The following P2RX1 variants were observed in gnomAD, a reference collection of about 807,000 sequenced individuals.
P2RX1 encodes the protein P2X purinoceptor 1.
Under a neutral mutation model 50.3 loss-of-function variants are expected in P2RX1, and 42 were observed. The ratio of observed to expected loss-of-function variants is 0.83; its 90% CI spans 0.65 to 1.08. The LOEUF (loss-of-function observed/expected upper bound fraction) is 1.08, where lower values mean the gene tolerates loss of function less well. Ranked by LOEUF, P2RX1 falls within the 50% of genes least tolerant of loss-of-function variation. The pLI is 0.00. For missense variants in P2RX1, 449 were observed against 529.0 expected, an observed-to-expected ratio of 0.85 and a Z score of 1.48; for synonymous variants, 199 against 202.6, an observed-to-expected ratio of 0.98 and a Z score of 0.15.
At position 3,897,882 on chromosome 17, in the gene P2RX1, G is replaced by A. The variant is rs1331675255; in HGVS notation, c.1135-3C>T. 4 of 1,613,986 alleles carry A rather than the reference G, an allele frequency of 2.5e-6. No individual in the cohort carries two copies. The East Asian group carries it at 8.9e-5, about 36-fold the overall frequency. ...GTAGCTGCGAGGTCACGCTCAGCCT[G>A]TGTACGTGGTGCAAGGGTTGGGGGA... is the stretch of plus-strand genomic sequence containing the variant. On this transcript the variant is annotated splice_polypyrimidine_tract_variant and splice_region_variant and intron_variant, in intron 11 of 11. Coordinates refer to ENST00000225538, the MANE Select transcript of P2RX1 (RefSeq NM_002558.4).
rs779313346 is a variant in P2RX1 at position 3,897,817 on chromosome 17, G to A, written c.1197C>T (p.Ser399=). The A allele has an allele frequency of 2.5e-6, 4 of 1,612,896 alleles. No homozygotes were observed. Among genetic ancestry groups the A allele is most frequent in the Non-Finnish European group, 3.4e-6 (4 of 1,179,948 alleles). ...TLGLQENMRT[S] ...GTCAGGAGTTGGGGCCCGAGCATCA[G>A]GATGTCCTCATGTTCTCCTGCAGGC... The change falls in exon 12 of 12, where the codon TCC becomes TCT. Residue 399 remains serine (S), a synonymous_variant. Transcript: ENST00000225538.
Position 3,897,389 on chromosome 17 carries a change from A to C in P2RX1, c.*425T>G. 7.4e-6 allele frequency: 2 copies of C among 271,990 alleles called. No homozygotes were observed. Among genetic ancestry groups the C allele is most frequent in the Non-Finnish European group, 7.4e-6 (1 of 135,546 alleles). The allele number at this position is 271,990 out of a possible 1,614,324, so 16.8% of individuals were successfully genotyped here. A position where few individuals can be genotyped will look rare whatever the true frequency, so the allele number is the denominator to read the frequency against. Reference sequence around the variant, plus strand: ...GAAATGTGGCTAGTTCAGCCGAGGAATTGAATTTTGTGTTTCATTCTATTT... The same window carrying C: ...GAAATGTGGCTAGTTCAGCCGAGGACTTGAATTTTGTGTTTCATTCTATTT... On this transcript the variant is annotated 3_prime_UTR_variant, in exon 12 of 12. Transcript: ENST00000225538.
rs2056204222 is a variant in P2RX1 at position 3,903,882 on chromosome 17, T to G, written c.524+46A>C. 2 of 1,494,098 alleles carry G rather than the reference T, an allele frequency of 1.3e-6. No homozygotes were observed. Among genetic ancestry groups the G allele is most frequent in the Non-Finnish European group, 1.9e-6 (2 of 1,070,588 alleles). 92.6% of individuals were successfully genotyped at this position (1,494,098 alleles called of 1,614,324 possible). On this transcript the variant is annotated intron_variant, in intron 5 of 11. Transcript: ENST00000225538. This position sits in a 1 kb window ranked among gnomAD's most constrained non-coding sequence, Gnocchi z 4.6. ...TTCTAGACCTAGGCCCCCCTCTGTC[T>G]GGCCTGGGACCCTGTTCTTAGCTCT...
In P2RX1 at chr17:3,903,382, T is replaced by C. The variant is rs756354621; in HGVS notation, c.606-39A>G. 3 of 1,613,108 alleles carry C rather than the reference T, an allele frequency of 1.9e-6. No individual in the cohort carries two copies. Among genetic ancestry groups the C allele is most frequent in the African/African-American group, 2.7e-5 (2 of 75,034 alleles). On this transcript the variant is annotated intron_variant, in intron 6 of 11. Coordinates refer to ENST00000225538, the MANE Select transcript of P2RX1 (RefSeq NM_002558.4). The surrounding 1 kb of genome is among the most constrained non-coding windows in gnomAD (Gnocchi z 4.6). ...AGGTGTTGACAGCTGCTGTGTGTCA[T>C]CCGGGAGGGTGCCCACCACGCCCCA...
chr17:3,898,942 C>T lies in P2RX1; in HGVS notation c.958G>A (p.Asp320Asn), dbSNP rs1473129977. 3.1e-6 allele frequency: 5 copies of T among 1,613,382 alleles called. No homozygotes were observed. Among genetic ancestry groups the T allele is most frequent in the Middle Eastern group, 1.6e-4 (1 of 6,084 alleles). ...TCACACTGGACACTCACCTTGCCGT[C>T]CACCAGGATGTCAAAGCGAATCCCA... ...VFGIRFDILVDGKAGKFDIIP... is the reference protein window; with the variant it reads ...VFGIRFDILVNGKAGKFDIIP... The change falls in exon 9 of 12, where the codon GAC (aspartate) becomes AAC (asparagine). Residue 320 changes from aspartate to asparagine, a missense_variant. By Grantham distance (23) the Asp-to-Asn change is conservative. Transcript: ENST00000225538.
rs555033960 is a variant in P2RX1, at chr17:3,914,007, G to A, written c.137+2082C>T. 1.3e-5 allele frequency among the ~76,000 whole-genome samples: 2 copies of A among 152,186 alleles called. No homozygotes were observed. The highest frequency in any genetic ancestry group is 4.1e-4 in the South Asian group (2 of 4,828). On this transcript the variant is annotated intron_variant, in intron 1 of 11. Transcript: ENST00000225538. This position sits in a 1 kb window ranked among gnomAD's most constrained non-coding sequence, Gnocchi z 4.1. ...AGAGGTCAGTGCAGTACTGAGCAGT[G>A]GCCAGACGAGGGCGCAAGAGACAGC...
rs371754025 is a variant in P2RX1 at position 3,903,623 on chromosome 17, A to C, written c.533T>G (p.Leu178Arg). ...EVDDDIPRPA[L>R]LREAENFTLF... ...AGTGAAGTTCTCGGCCTCTCGGAGAAGGGCAGGGCTGGAGGACACCACACG... is the reference window on the plus strand; with the variant it reads ...AGTGAAGTTCTCGGCCTCTCGGAGACGGGCAGGGCTGGAGGACACCACACG... Residue 178 changes from leucine (L) to arginine (R), a missense_variant, in exon 6 of 12, where the codon CTT becomes CGT. Coordinates refer to ENST00000225538, the MANE Select transcript of P2RX1 (RefSeq NM_002558.4). The surrounding 1 kb of genome is among the most constrained non-coding windows in gnomAD (Gnocchi z 4.6). 4.8e-5 allele frequency: 78 copies of C among 1,613,548 alleles called. No homozygotes were observed. Among genetic ancestry groups the C allele is most frequent in the Middle Eastern group, 1.6e-4 (1 of 6,082 alleles).
chr17:3,903,355 G>GA lies in P2RX1; in HGVS notation c.606-13dup, dbSNP rs780470567. Reference sequence around the variant, plus strand: ...CCACCAGGTTGCGCCTGTGGGGGTGGAAGGTGTTGACAGCTGCTGTGTGTC... The same window carrying GA: ...CCACCAGGTTGCGCCTGTGGGGGTGGAAAGGTGTTGACAGCTGCTGTGTGTC... On this transcript the variant is annotated splice_polypyrimidine_tract_variant and intron_variant, in intron 6 of 11. Transcript: ENST00000225538. This position sits in a 1 kb window ranked among gnomAD's most constrained non-coding sequence, Gnocchi z 4.6. 6.4e-5 allele frequency: 104 copies of GA among 1,613,874 alleles called. No individual in the cohort carries two copies. The Middle Eastern group carries it at 6.6e-4, about 10-fold the overall frequency.
At chr17:3,901,779 G>T (rs1173005865) in intron 7 of P2RX1, among the ~76,000 whole-genome samples, 1 of 151,992 alleles carries the variant, frequency 6.6e-6, no homozygotes, top group Non-Finnish European at 1.5e-5. Flanking sequence ...AGCGAGGCAC[G>T]CCAGGCACAC....
Position 3,898,129 on chromosome 17 carries a change from A to C in P2RX1, c.1033-19T>G. ...CTGTGGCCTGGGGTCAGGGAAGGGC[A>C]CGGAGACAGCGTGGGAATCCGGGGG... is the stretch of plus-strand genomic sequence containing the variant. On this transcript the variant is annotated intron_variant, in intron 10 of 11. Coordinates refer to ENST00000225538, the MANE Select transcript of P2RX1 (RefSeq NM_002558.4). The C allele has an allele frequency of 1.2e-6, 2 of 1,607,146 alleles. No individual in the cohort carries two copies. The highest frequency in any genetic ancestry group is 2.2e-5 in the South Asian group (2 of 90,926).
chr17:3,897,754 C>T lies in P2RX1; in HGVS notation c.*60G>A. 1 of 1,522,056 alleles carries T rather than the reference C, an allele frequency of 6.6e-7. No homozygotes were observed. The highest frequency in any genetic ancestry group is 9.0e-7 in the Non-Finnish European group (1 of 1,104,994). 94.3% of individuals were successfully genotyped at this position (1,522,056 alleles called of 1,614,324 possible). ...GAGGCCCCTCTGCCCTGGCTGGGAC[C>T]CACCAGGGCTCCAGGCTGAAGCCTC... On this transcript the variant is annotated 3_prime_UTR_variant, in exon 12 of 12. Coordinates refer to ENST00000225538, the MANE Select transcript of P2RX1 (RefSeq NM_002558.4).
chr17:3,904,589 A>G, intron 3 of P2RX1, 190 bp from the exon 4 acceptor site: 2 of 651,552 alleles, frequency 3.1e-6, no homozygotes, highest in Non-Finnish European at 5.3e-6. Flanking sequence ...CCCCGGGCTC[A>G]TGCCCAGCTG....
chr17:3,912,475 C>T (rs976426287), intron 1 of P2RX1, among the ~76,000 whole-genome samples: 9 of 152,136 alleles, frequency 5.9e-5, no homozygotes, highest in African/African-American at 1.4e-4. Context: ...GGATTACAGG[C>T]GTGCGCCACC....
rs2056193717 is a variant in P2RX1 at position 3,903,513 on chromosome 17, G to C, written c.605+38C>G. On this transcript the variant is annotated intron_variant, in intron 6 of 11. Coordinates refer to ENST00000225538, the MANE Select transcript of P2RX1 (RefSeq NM_002558.4). This position sits in a 1 kb window ranked among gnomAD's most constrained non-coding sequence, Gnocchi z 4.6. ...GCTGAGAGCTGCCGGAGCGGCCCCGGCCAGCTGCCTGCATTTCTGCCCGAA... is the reference window on the plus strand; with the variant it reads ...GCTGAGAGCTGCCGGAGCGGCCCCGCCCAGCTGCCTGCATTTCTGCCCGAA... 1.2e-6 allele frequency: 2 copies of C among 1,606,420 alleles called. No homozygotes were observed. The highest frequency in any genetic ancestry group is 1.3e-5 in the African/African-American group (1 of 74,738).
chr17:3,899,809 C>T, intron 7 of P2RX1, 48 bp from the exon 8 acceptor site: 5 of 1,607,242 alleles, frequency 3.1e-6, no homozygotes, highest in Admixed American at 1.7e-5. Flanking sequence ...GGATCAAAAA[C>T]CCCTGTCTCA....
intron 7 of P2RX1, among the ~76,000 whole-genome samples, chr17:3,902,005 G>A (rs1027476096): frequency 2.0e-5 from 3 of 152,212 alleles, no homozygotes; most frequent in South Asian, 2.1e-4. Context: ...ATTTGAACCC[G>A]GTCAGCTAGT....
Position 3,916,113 on chromosome 17 carries a change from A to C in P2RX1, c.113T>G (p.Leu38Arg). Residue 38 changes from leucine (L) to arginine (R), a missense_variant, in exon 1 of 12, where the codon CTG becomes CGG. Coordinates refer to ENST00000225538, the MANE Select transcript of P2RX1 (RefSeq NM_002558.4). ...CCCGATGACGTAGACCAGGACCACCAGCTGGATCAGTCGGAAGATAACGCC... is the reference window on the plus strand; with the variant it reads ...CCCGATGACGTAGACCAGGACCACCCGCTGGATCAGTCGGAAGATAACGCC... ...KVGVIFRLIQLVVLVYVIGWV... is the reference protein window; with the variant it reads ...KVGVIFRLIQRVVLVYVIGWV... The C allele has an allele frequency of 6.2e-7, 1 of 1,613,682 alleles. No homozygotes were observed. The highest frequency in any genetic ancestry group is 8.5e-7 in the Non-Finnish European group (1 of 1,180,012).
Position 3,904,909 on chromosome 17 carries a change from G to A in P2RX1, c.306C>T (p.Val102=). 1.5e-6 allele frequency: 2 copies of A among 1,335,428 alleles called. No homozygotes were observed. Among genetic ancestry groups the A allele is most frequent in the East Asian group, 4.8e-5 (1 of 20,672 alleles). 82.7% of individuals were successfully genotyped at this position (1,335,428 alleles called of 1,614,324 possible). ...FPAQGDNSFV[V]MTNFIVTPKQ... ...TCGGGGTCACGATGAAATTGGTCAT[G>A]ACCACGAAGGAGTTGTCCCCCTAGA... The change falls in exon 3 of 12, where the codon GTC becomes GTT. Residue 102 remains valine (V), a synonymous_variant. Coordinates refer to ENST00000225538, the MANE Select transcript of P2RX1 (RefSeq NM_002558.4).
At chr17:3,898,797 G>T (rs1301258643) in intron 9 of P2RX1, 137 bp downstream of exon 9, 3 of 814,818 alleles carry the variant, frequency 3.7e-6, no homozygotes, top group South Asian at 1.3e-5. Flanking sequence ...CATGCCCCAT[G>T]ACCATCTGTT....
Sources: allele counts gnomAD v4.1 joint callset (sites outside exome capture counted in the v4.1 genomes callset), GRCh38; gene constraint gnomAD v4.1.1; non-coding constraint Gnocchi (gnomAD v3.1); transcripts MANE v1.5; gene names NCBI Gene and HGNC (gene_info 2026-07-23, HGNC 2026-07-21).